LINS1: variants seen among roughly 807,000 people sequenced by gnomAD.
The protein encoded by LINS1 is protein Lines homolog 1.
A neutral mutation model predicts 41.6 loss-of-function variants in LINS1; 27 were observed. The ratio of observed to expected loss-of-function variants is 0.65; its 90% confidence interval spans 0.48 to 0.89. The LOEUF (loss-of-function observed/expected upper bound fraction) is 0.89, where lower values mean the gene tolerates loss of function less well. LINS1 is among the 40% of genes least tolerant of loss of function. The pLI is 0.00. For missense variants in LINS1, 955 were observed against 884.1 expected (o/e 1.08, Z -1.02); for synonymous variants, 336 against 312.9 (o/e 1.07, Z -0.78).
chr15:100,571,278 AAAGCAG>A (rs1478493301), intron 6 of LINS1, among the ~76,000 whole-genome samples: 3 of 152,226 alleles, frequency 2.0e-5, no homozygotes, highest in African/African-American at 7.2e-5. Flanking sequence ...GGGTTTTAAT[AAAGCAG>A]AAGCAGAAAC....
chr15:100,572,015 G>A lies in LINS1; in HGVS notation c.1273C>T (p.Leu425Phe). The change falls in exon 6 of 7, where the codon CTT (leucine) becomes TTT (phenylalanine). Residue 425 changes from leucine to phenylalanine, a missense_variant. Coordinates refer to ENST00000314742, the MANE Select transcript of LINS1 (RefSeq NM_001040616.3). The stretch of plus-strand genomic sequence containing the variant: ...TTGTGTAATTGCAGAGAGGGCTGAA[G>A]ATGAGGCTTTAAGAAGGTCAGTAAC... ...SELLTFLKPH[L>F]QPSLQLHNPC... is the part of the protein sequence containing the mutation. 6.2e-7 allele frequency: 1 copy of A among 1,614,208 alleles called. No individual in the cohort carries two copies. Among genetic ancestry groups the A allele is most frequent in the Non-Finnish European group, 8.5e-7 (1 of 1,180,034 alleles).
At chr15:100,592,771 T>C (rs193175785) in intron 1 of LINS1, among the ~76,000 whole-genome samples, 5 of 152,264 alleles carry the variant, frequency 3.3e-5, no homozygotes, top group African/African-American at 1.2e-4. Flanking sequence ...TCAAAAAATA[T>C]TCATCTTAGT....
chr15:100,570,159 C>T (rs1307503520), intron 6 of LINS1, 42 bp from the exon 7 acceptor site: 5 of 1,447,742 alleles, frequency 3.5e-6, no homozygotes, highest in Admixed American at 2.0e-5. Flanking sequence ...AATGACCTTA[C>T]AAAAATAAAC....
At chr15:100,580,222 A>C in intron 3 of LINS1, 41 bp downstream of exon 3, 1 of 1,419,524 alleles carries the variant, frequency 7.0e-7, no homozygotes, top group Non-Finnish European at 9.8e-7. Context: ...AAAAAAAATT[A>C]AGAAAGAGAA....
chr15:100,570,874 T>C (rs2037787429), intron 6 of LINS1, among the ~76,000 whole-genome samples: 1 of 152,200 alleles, frequency 6.6e-6, no homozygotes, highest in Admixed American at 6.5e-5. Context: ...CTATCTATGT[T>C]GTAAGCACAT....
chr15:100,587,399 T>C (rs868864596), intron 1 of LINS1, among the ~76,000 whole-genome samples: 1 of 152,030 alleles, frequency 6.6e-6, no homozygotes, highest in Non-Finnish European at 1.5e-5. Context: ...GGAAACTGAA[T>C]TGTGTAATAG....
chr15:100,570,241 T>G, intron 6 of LINS1, 124 bp from the exon 7 acceptor site: 1 of 769,064 alleles, frequency 1.3e-6, no homozygotes, highest in Non-Finnish European at 2.0e-6. Context: ...GCATCACTTC[T>G]TAAAAGAAAA....
intron 3 of LINS1, among the ~76,000 whole-genome samples, chr15:100,575,814 A>G (rs1274676378): frequency 6.6e-6 from 1 of 152,226 alleles, no homozygotes; most frequent in Non-Finnish European, 1.5e-5. Context: ...CAGAAATCAC[A>G]ACAAACTGTC....
At chr15:100,594,651 T>C (rs1196501370) in intron 1 of LINS1, among the ~76,000 whole-genome samples, 1 of 152,188 alleles carries the variant, frequency 6.6e-6, no homozygotes. Context: ...CACGGTACAT[T>C]GTAAATGCTA....
At position 100,569,364 on chromosome 15, in the gene LINS1, G is replaced by A. The variant is rs1306873322; in HGVS notation, c.2148C>T (p.Phe716=). ...GGCAGATGGCATCTTGTAGTTCCTGGAAGCATTTTACTATTCTGTAAAATA... is the reference window on the plus strand; with the variant it reads ...GGCAGATGGCATCTTGTAGTTCCTGAAAGCATTTTACTATTCTGTAAAATA... The part of the protein sequence containing the change: ...VGIFYRIVKC[F]QELQDAICRL... Residue 716 remains phenylalanine, a synonymous_variant, in exon 7 of 7, where the codon TTC becomes TTT. Transcript: ENST00000314742. The A allele has an allele frequency of 1.2e-6, 2 of 1,614,118 alleles. No homozygotes were observed. The highest frequency in any genetic ancestry group is 4.5e-5 in the East Asian group (2 of 44,880).
At chr15:100,577,687 T>C (rs2038265827) in intron 3 of LINS1, among the ~76,000 whole-genome samples, 1 of 152,136 alleles carries the variant, frequency 6.6e-6, no homozygotes, top group South Asian at 2.1e-4. Context: ...AAAGTTCATA[T>C]GGAACCAAAA....
At chr15:100,572,420 C>A (rs1383455204) in intron 5 of LINS1, 1 of 1,105,474 alleles carries the variant, frequency 9.0e-7, no homozygotes, top group Non-Finnish European at 1.1e-6. Flanking sequence ...GATGCCAGAG[C>A]TGTCTGTCCA....
In LINS1 at chr15:100,568,867, G is replaced by A. The variant is rs868564630; in HGVS notation, c.*371C>T. The stretch of plus-strand genomic sequence containing the variant: ...CAGCCGGGCACAGTGGCTCATGCCT[G>A]TAATCCCAGCACTTCGGGAGGGCGG... On this transcript the variant is annotated 3_prime_UTR_variant, in exon 7 of 7. Transcript: ENST00000314742. 5.0e-6 allele frequency: 1 copy of A among 201,058 alleles called. No individual in the cohort carries two copies. The highest frequency in any genetic ancestry group is 2.4e-5 in the African/African-American group (1 of 42,156). 12.5% of individuals were successfully genotyped at this position (201,058 alleles called of 1,614,324 possible).
intron 3 of LINS1, among the ~76,000 whole-genome samples, chr15:100,580,042 T>A (rs987403919): frequency 6.6e-5 from 10 of 152,134 alleles, no homozygotes; most frequent in African/African-American, 1.9e-4. Flanking sequence ...AAATCAAATG[T>A]CAAAGAGCAA....
intron 1 of LINS1, among the ~76,000 whole-genome samples, chr15:100,590,659 A>G (rs1194025208): frequency 1.3e-5 from 2 of 152,256 alleles, no homozygotes; most frequent in African/African-American, 4.8e-5. Context: ...GGCTGAACAG[A>G]GAAGTATCTG....
intron 1 of LINS1, among the ~76,000 whole-genome samples, chr15:100,595,009 T>C (rs766269500): frequency 6.6e-6 from 1 of 152,210 alleles, no homozygotes; most frequent in Non-Finnish European, 1.5e-5. Context: ...AGGGTTACTA[T>C]GACCTTGATT....
chr15:100,572,042 C>CA lies in LINS1; in HGVS notation c.1245dup (p.Glu416Ter). 6.2e-7 allele frequency: 1 copy of CA among 1,614,172 alleles called. No homozygotes were observed. The highest frequency in any genetic ancestry group is 8.5e-7 in the Non-Finnish European group (1 of 1,180,028). On this transcript the variant is annotated frameshift_variant, in exon 6 of 7. Transcript: ENST00000314742. LOFTEE classifies it high-confidence loss of function. ...TGAGGCTTTAAGAAGGTCAGTAACT[C>CA]AGACATGAACCTCTGTAAGTCAACT... is the stretch of plus-strand genomic sequence containing the variant.
At chr15:100,577,768 C>A (rs186786794) in intron 3 of LINS1, among the ~76,000 whole-genome samples, 5,337 of 152,142 alleles carry the variant, frequency 0.035, 279 homozygotes, top group African/African-American at 0.12. Flanking sequence ...ACCTGACTTC[C>A]AACTATACTA....
Position 100,569,661 on chromosome 15 carries a change from C to G in LINS1, c.1851G>C (p.Leu617=). The G allele has an allele frequency of 6.2e-7, 1 of 1,613,404 alleles. No homozygotes were observed. The highest frequency in any genetic ancestry group is 8.5e-7 in the Non-Finnish European group (1 of 1,179,518). The change falls in exon 7 of 7, where the codon CTG becomes CTC. Residue 617 remains leucine, a synonymous_variant. Transcript: ENST00000314742. The part of the protein sequence containing the change: ...KGAHTMCASS[L]SSPRASQSLV... ...GACTTTGAGAGGCCCGGGGGGAAGA[C>G]AGACTAGAAGCACACATGGTGTGAG...
Sources: gnomAD v4.1 joint callset for allele counts (sites outside exome capture counted in the v4.1 genomes callset) on GRCh38, gnomAD v4.1.1 for gene constraint, MANE v1.5 for transcripts, NCBI Gene and HGNC (gene_info 2026-07-23, HGNC 2026-07-21) for gene names.